The following GTF3C5 variants were observed in gnomAD, a reference collection of about 807,000 sequenced individuals.
GTF3C5 encodes general transcription factor 3C polypeptide 5.
Under a neutral mutation model 61.0 loss-of-function variants are expected in GTF3C5, and 47 were observed. The ratio of observed to expected loss-of-function variants is 0.77; its 90% CI spans 0.61 to 0.98. GTF3C5 has a LOEUF of 0.98. Ranked by LOEUF, GTF3C5 falls within the 50% of genes least tolerant of loss-of-function variation. The pLI, the probability that GTF3C5 is intolerant of heterozygous loss-of-function variation, is 0.00. For synonymous variants in GTF3C5, 295 were observed against 275.4 expected (o/e 1.07, Z -0.71); for missense variants, 659 against 703.3 (o/e 0.94, Z 0.71).
intron 1 of GTF3C5, among the ~76,000 whole-genome samples, chr9:133,032,702 A>G (rs1385709374): frequency 6.6e-6 from 1 of 152,206 alleles, no homozygotes; most frequent in Non-Finnish European, 1.5e-5. Flanking sequence ...ATTAACCCTC[A>G]GGCACAGGGT....
At chr9:133,044,016 A>G in intron 3 of GTF3C5, 90 bp downstream of exon 3, 2 of 917,704 alleles carry the variant, frequency 2.2e-6, no homozygotes, top group Non-Finnish European at 3.4e-6. Flanking sequence ...GTGGTGGTGC[A>G]CACCTGTAAT....
At chr9:133,045,849 C>T (rs958583279) in intron 3 of GTF3C5, among the ~76,000 whole-genome samples, 1 of 152,106 alleles carries the variant, frequency 6.6e-6, no homozygotes, top group Non-Finnish European at 1.5e-5. Flanking sequence ...ATTGGCCAGG[C>T]TGGTCTCGAA....
chr9:133,057,749 G>A, intron 10 of GTF3C5, 65 bp from the exon 11 acceptor site: 1 of 1,461,478 alleles, frequency 6.8e-7, no homozygotes, highest in East Asian at 2.3e-5. Context: ...AGAGCCTGGT[G>A]GCCTTTCTGG....
intron 1 of GTF3C5, among the ~76,000 whole-genome samples, chr9:133,035,083 C>CTAT (rs1849830251): frequency 6.6e-6 from 1 of 151,960 alleles, no homozygotes. Context: ...TATTCCCCTG[C>CTAT]TATGTCTAGT....
chr9:133,043,109 A>G (rs1850086625), intron 2 of GTF3C5, among the ~76,000 whole-genome samples: 1 of 152,204 alleles, frequency 6.6e-6, no homozygotes, highest in Non-Finnish European at 1.5e-5. Context: ...GAAAGAAAAG[A>G]GGGGAAGAAG....
In GTF3C5 at chr9:133,042,224, G is replaced by A. The variant is rs1850059201; in HGVS notation, c.291G>A (p.Gly97=). Residue 97 remains glycine (G), a synonymous_variant, in exon 2 of 11, where the codon GGG becomes GGA. Transcript: ENST00000372097. ...RIRKRTRRQK[G]VLGTEAHSEV... is the part of the protein sequence containing the mutation. ...GGAAGAGAACGAGGCGGCAGAAAGG[G>A]GTGCTGGGCACTGAGGCCCACTCCG... The A allele has an allele frequency of 1.2e-6, 2 of 1,613,920 alleles. No individual in the cohort carries two copies. Among genetic ancestry groups the A allele is most frequent in the Admixed American group, 1.7e-5 (1 of 60,036 alleles).
chr9:133,048,983 C>T (rs1326908640), intron 3 of GTF3C5, among the ~76,000 whole-genome samples: 1 of 152,224 alleles, frequency 6.6e-6, no homozygotes, highest in African/African-American at 2.4e-5. Flanking sequence ...TGGCCCCTTC[C>T]TGGGGAGATT....
At chr9:133,051,130 C>T in intron 4 of GTF3C5, 152 bp downstream of exon 4, 1 of 583,574 alleles carries the variant, frequency 1.7e-6, no homozygotes, top group Non-Finnish European at 3.0e-6. Context: ...CTTCAGATGC[C>T]ATGTCTAAAG....
At chr9:133,035,067 G>T (rs981135876) in intron 1 of GTF3C5, among the ~76,000 whole-genome samples, 3 of 151,980 alleles carry the variant, frequency 2.0e-5, no homozygotes, top group African/African-American at 7.2e-5. Flanking sequence ...GTGCCAGGGA[G>T]TGTGGTATTC....
intron 9 of GTF3C5, 116 bp from the exon 10 acceptor site, chr9:133,056,650 T>C: frequency 1.0e-6 from 1 of 980,896 alleles, no homozygotes; most frequent in Non-Finnish European, 1.5e-6. Context: ...TAGACTTCGC[T>C]CACGGGGCTG....
intron 1 of GTF3C5, 125 bp downstream of exon 1, chr9:133,031,289 C>T: frequency 1.3e-6 from 1 of 744,606 alleles, no homozygotes. Context: ...GCTGCTCGCT[C>T]TTCTGGCCGC....
upstream of GTF3C5, chr9:133,030,980 G>C (rs1182975874): frequency 6.2e-7 from 1 of 1,610,940 alleles, no homozygotes; most frequent in Admixed American, 1.7e-5. Flanking sequence ...TTTGTGGGAC[G>C]GACCCTGGCG....
chr9:133,055,859 C>T (rs1174835667), intron 8 of GTF3C5, 153 bp from the exon 9 acceptor site: 5 of 1,432,460 alleles, frequency 3.5e-6, no homozygotes, highest in Non-Finnish European at 4.6e-6. Flanking sequence ...TTCCCCAACT[C>T]CTCCGTGGCC....
chr9:133,052,366 GC>G (rs1850409089), intron 5 of GTF3C5, among the ~76,000 whole-genome samples: 1 of 112,976 alleles, frequency 8.9e-6, no homozygotes, highest in South Asian at 2.9e-4. Flanking sequence ...CCCCAACCTA[GC>G]ACCTCCCCCG....
Position 133,053,876 on chromosome 9 carries a change from C to T in GTF3C5, c.922C>T (p.Arg308Ter), listed in dbSNP as rs1414242981. 13 of 1,613,482 alleles carry T rather than the reference C, an allele frequency of 8.1e-6. No homozygotes were observed. Among genetic ancestry groups the T allele is most frequent in the South Asian group, 2.2e-5 (2 of 91,046 alleles). Reference protein sequence around the residue: ...SLWIRFGYDPRKNPDAKIYQV... With the variant: ...SLWIRFGYDP ...ATGGATTCGATTTGGGTATGACCCC[C>T]GAAAAAACCCAGATGCCAAGATTTA... The change falls in exon 6 of 11, where the codon CGA becomes TGA. Residue 308 changes from arginine to a stop codon, truncating the protein, a stop_gained. Coordinates refer to ENST00000372097, the MANE Select transcript of GTF3C5 (RefSeq NM_012087.4). LOFTEE classifies it high-confidence loss of function.
intron 3 of GTF3C5, among the ~76,000 whole-genome samples, chr9:133,044,575 C>T (rs1030070685): frequency 2.0e-5 from 3 of 152,166 alleles, no homozygotes; most frequent in Non-Finnish European, 2.9e-5. Context: ...CTGCCCTGCC[C>T]TCCTCTCTTT....
intron 4 of GTF3C5, among the ~76,000 whole-genome samples, chr9:133,051,838 A>C (rs896200343): frequency 1.3e-5 from 2 of 152,140 alleles, no homozygotes; most frequent in African/African-American, 4.8e-5. Context: ...CCAGCCCCAC[A>C]ACTGCACTTG....
intron 5 of GTF3C5, 134 bp from the exon 6 acceptor site, chr9:133,053,694 G>T (rs1203487349): frequency 7.5e-6 from 4 of 536,872 alleles, no homozygotes; most frequent in Non-Finnish European, 1.0e-5. Flanking sequence ...GCCTGCATGT[G>T]GCAGAGCAGG....
At chr9:133,056,726 G>T in intron 9 of GTF3C5, 40 bp from the exon 10 acceptor site, 1 of 1,544,904 alleles carries the variant, frequency 6.5e-7, no homozygotes, top group Non-Finnish European at 8.7e-7. Context: ...GCAGAGACCC[G>T]CCCTGGGACT....
Sources: gnomAD v4.1 joint callset for allele counts (sites outside exome capture counted in the v4.1 genomes callset) on GRCh38, gnomAD v4.1.1 for gene constraint, MANE v1.5 for transcripts, NCBI Gene and HGNC (gene_info 2026-07-23, HGNC 2026-07-21) for gene names.